ROBO1: variants seen among roughly 807,000 people sequenced by gnomAD.
ROBO1 encodes roundabout homolog 1.
A neutral mutation model predicts 195.9 loss-of-function variants in ROBO1; 149 were observed. The ratio of observed to expected loss-of-function variants is 0.76; its 90% CI spans 0.67 to 0.87. ROBO1 has a LOEUF of 0.87. Among genes scored for constraint, ROBO1 ranks in the 40% least tolerant of loss-of-function variants. ROBO1 has a pLI of 0.00. For missense variants in ROBO1, 1,933 were observed against 2,068.3 expected (o/e 0.93, Z 1.27); for synonymous variants, 816 against 733.2 (o/e 1.11, Z -1.82).
chr3:79,431,669 A>T (rs775189998), intron 2 of ROBO1, among the ~76,000 whole-genome samples: 16 of 152,148 alleles, frequency 1.1e-4, no homozygotes, highest in Non-Finnish European at 2.2e-4. Flanking sequence ...TGTTTCTTTT[A>T]TTTAGACAAA....
At chr3:78,960,093 A>G (rs904280092) in intron 3 of ROBO1, among the ~76,000 whole-genome samples, 2 of 152,142 alleles carry the variant, frequency 1.3e-5, no homozygotes, top group Admixed American at 6.5e-5. Context: ...TGAGGCCAGG[A>G]ATTCAAGGCT....
At chr3:78,665,575 A>G (rs9823359) in intron 14 of ROBO1, among the ~76,000 whole-genome samples, 39,579 of 152,084 alleles carry the variant, frequency 0.26, 5,402 homozygotes, top group African/African-American at 0.33. Context: ...GACATCCACA[A>G]ATTTTATGAA....
chr3:79,687,475 C>G (rs1017507941), intron 1 of ROBO1, among the ~76,000 whole-genome samples: 3 of 152,134 alleles, frequency 2.0e-5, no homozygotes, highest in African/African-American at 7.2e-5. Context: ...ATGTACTCAT[C>G]TGACAAAGGG....
intron 1 of ROBO1, among the ~76,000 whole-genome samples, chr3:79,767,282 C>T (rs1705049435): frequency 2.6e-5 from 4 of 152,078 alleles, no homozygotes; most frequent in Admixed American, 1.3e-4. Context: ...GATTAGGCTG[C>T]AAAGTTGCCC....
At chr3:79,128,828 C>T (rs1056385464) in intron 2 of ROBO1, among the ~76,000 whole-genome samples, 5 of 151,988 alleles carry the variant, frequency 3.3e-5, no homozygotes, top group Admixed American at 2.6e-4. Context: ...TTTAAAAAAT[C>T]TTTTTTCTAG....
chr3:79,309,586 A>G (rs1279674835), intron 2 of ROBO1, among the ~76,000 whole-genome samples: 1 of 152,200 alleles, frequency 6.6e-6, no homozygotes, highest in African/African-American at 2.4e-5. Flanking sequence ...AACCTGGGTT[A>G]TAGAGTGAGA....
chr3:79,693,718 G>T (rs1272045508), intron 1 of ROBO1, among the ~76,000 whole-genome samples: 1 of 151,706 alleles, frequency 6.6e-6, no homozygotes, highest in Non-Finnish European at 1.5e-5. Flanking sequence ...GATTATAGGT[G>T]TGAGCCACTG....
intron 3 of ROBO1, among the ~76,000 whole-genome samples, chr3:78,986,922 C>G (rs1412465726): frequency 6.6e-6 from 1 of 152,108 alleles, no homozygotes; most frequent in Non-Finnish European, 1.5e-5. Context: ...ATCACCAATG[C>G]ATTTTACTAG....
chr3:78,742,973 T>A (rs1295949212), intron 5 of ROBO1, among the ~76,000 whole-genome samples: 1 of 152,198 alleles, frequency 6.6e-6, no homozygotes, highest in Admixed American at 6.5e-5. Flanking sequence ...TAGTTCACTA[T>A]ATGATACATC....
At chr3:79,243,564 T>C (rs1327173724) in intron 2 of ROBO1, among the ~76,000 whole-genome samples, 2 of 152,126 alleles carry the variant, frequency 1.3e-5, no homozygotes, top group Non-Finnish European at 2.9e-5. Context: ...TGGTTTTGAT[T>C]TGCATTTCTC....
chr3:79,643,286 C>G (rs1945721323), intron 1 of ROBO1, among the ~76,000 whole-genome samples: 1 of 152,166 alleles, frequency 6.6e-6, no homozygotes, highest in Non-Finnish European at 1.5e-5. Context: ...CACTGTTAGG[C>G]TTCCCTACTT....
Position 79,460,112 on chromosome 3 carries a change from C to T in ROBO1, c.88+129712G>A, listed in dbSNP as rs548156149. The stretch of plus-strand genomic sequence containing the variant: ...CTTTTATAAATTCTAATTCTTACCT[C>T]ATAAAACAATATATCTATTACTCTG... On this transcript the variant is annotated intron_variant, in intron 2 of 30. Coordinates refer to ENST00000464233, the MANE Select transcript of ROBO1 (RefSeq NM_002941.4). Among the ~76,000 whole-genome samples, 3 of 152,242 alleles carry T rather than the reference C, an allele frequency of 2.0e-5. No individual in the cohort carries two copies. The East Asian group carries it at 5.8e-4, about 29-fold the overall frequency.
At chr3:79,113,943 C>T (rs543623678) in intron 3 of ROBO1, among the ~76,000 whole-genome samples, 3 of 152,002 alleles carry the variant, frequency 2.0e-5, no homozygotes, top group African/African-American at 2.4e-5. Context: ...TGCAATAATC[C>T]GCATGTGTCA....
chr3:78,886,597 GA>G (rs1216654202), intron 4 of ROBO1, among the ~76,000 whole-genome samples: 13 of 147,164 alleles, frequency 8.8e-5, no homozygotes, highest in Middle Eastern at 3.5e-3. Context: ...CCATCTCAAA[GA>G]AAAAAAAAAT....
At chr3:78,894,658 A>G (rs2037124368) in intron 4 of ROBO1, among the ~76,000 whole-genome samples, 1 of 152,234 alleles carries the variant, frequency 6.6e-6, no homozygotes, top group African/African-American at 2.4e-5. Flanking sequence ...AAAAGAAGAA[A>G]TAATACAGCA....
Position 79,251,252 on chromosome 3 carries a change from A to T in ROBO1, c.89-125713T>A, listed in dbSNP as rs147355570. Among the ~76,000 whole-genome samples the T allele has an allele frequency of 1.8e-3, 268 of 152,304 alleles. 2 individuals are homozygous for T. Among genetic ancestry groups the T allele is most frequent in the African/African-American group, 6.2e-3 (257 of 41,560 alleles). ...GCAAAAGCAACACATTATTATCTTCAGAGGGGAGGGATAGAGAAGGCAAGC... is the reference window on the plus strand; with the variant it reads ...GCAAAAGCAACACATTATTATCTTCTGAGGGGAGGGATAGAGAAGGCAAGC... On this transcript the variant is annotated intron_variant, in intron 2 of 30. Coordinates refer to ENST00000464233, the MANE Select transcript of ROBO1 (RefSeq NM_002941.4).
intron 1 of ROBO1, among the ~76,000 whole-genome samples, chr3:79,726,277 A>C (rs1055700604): frequency 6.6e-6 from 1 of 152,178 alleles, no homozygotes; most frequent in Non-Finnish European, 1.5e-5. Context: ...CCCCTGGTTC[A>C]TCTACAGTCC....
intron 4 of ROBO1, among the ~76,000 whole-genome samples, chr3:78,798,618 A>C (rs572750860): frequency 6.6e-6 from 1 of 152,328 alleles, no homozygotes; most frequent in South Asian, 2.1e-4. Flanking sequence ...CATGCTAAGT[A>C]AACTTTTTCA....
intron 2 of ROBO1, among the ~76,000 whole-genome samples, chr3:79,145,644 C>T (rs2080633144): frequency 6.6e-6 from 1 of 151,868 alleles, no homozygotes; most frequent in Non-Finnish European, 1.5e-5. Flanking sequence ...GCCCGACTGA[C>T]CTGATCAATT....
Sources: gnomAD v4.1 joint callset for allele counts (sites outside exome capture counted in the v4.1 genomes callset) on GRCh38, gnomAD v4.1.1 for gene constraint, MANE v1.5 for transcripts, NCBI Gene and HGNC (gene_info 2026-07-23, HGNC 2026-07-21) for gene names.